ZNF546: variants seen among roughly 807,000 people sequenced by gnomAD.
ZNF546 encodes the protein zinc finger protein 546, also known as CTC-471F3.6.
A neutral mutation model predicts 76.2 loss-of-function variants in ZNF546; 60 were observed. That is an observed-to-expected ratio of 0.79 (90% CI 0.64 to 0.98). The LOEUF (loss-of-function observed/expected upper bound fraction) is 0.98. Ranked by LOEUF, ZNF546 falls within the 50% of genes least tolerant of loss-of-function variation. ZNF546 has a pLI of 0.00. For missense variants in ZNF546, 936 were observed against 1,035.6 expected (o/e 0.90, Z 1.32); for synonymous variants, 277 against 328.1 (o/e 0.84, Z 1.68).
In ZNF546 at chr19:40,013,950, G is replaced by A; in HGVS notation, c.680G>A (p.Arg227Lys). The change falls in exon 7 of 7, where the codon AGA becomes AAA. Residue 227 changes from arginine (R) to lysine (K), a missense_variant. Physicochemically the swap from Arg to Lys is conservative, Grantham distance 26 (BLOSUM62 2). Coordinates refer to ENST00000347077, the MANE Select transcript of ZNF546 (RefSeq NM_178544.5). ...TGTAAGGAATGTAGAAAGGCCTTTA[G>A]ACAACAGTCATACCTTATTCAACAT... ...YECKECRKAF[R>K]QQSYLIQHLR... 6.2e-7 allele frequency: 1 copy of A among 1,612,180 alleles called. No individual in the cohort carries two copies. Among genetic ancestry groups the A allele is most frequent in the Non-Finnish European group, 8.5e-7 (1 of 1,178,958 alleles).
intron 6 of ZNF546, among the ~76,000 whole-genome samples, chr19:40,010,463 A>G (rs2144646613): frequency 6.6e-6 from 1 of 151,724 alleles, no homozygotes; most frequent in East Asian, 1.9e-4. Context: ...GCAGAAGTTT[A>G]TGAAAATTCC....
In ZNF546 at chr19:40,020,258, A is replaced by G. The variant is rs1173705703; in HGVS notation, c.*4477A>G. On this transcript the variant is annotated 3_prime_UTR_variant, in exon 7 of 7. Transcript: ENST00000347077. ...AACCAAAATGTCTGTGATCTCATGG[A>G]TCCATTATGATTTGCAACTCCAGGT... is the stretch of plus-strand genomic sequence containing the variant. The G allele has an allele frequency of 6.6e-6, 1 of 152,170 alleles. No homozygotes were observed. The highest frequency in any genetic ancestry group is 6.5e-5 in the Admixed American group (1 of 15,278). The allele number at this position is 152,170 out of a possible 1,614,324, so 9.4% of individuals were successfully genotyped here.
In ZNF546 at chr19:40,014,031, T is replaced by C. The variant is rs775121061; in HGVS notation, c.761T>C (p.Phe254Ser). The C allele has an allele frequency of 6.2e-7, 1 of 1,611,968 alleles. No individual in the cohort carries two copies. Among genetic ancestry groups the C allele is most frequent in the Non-Finnish European group, 8.5e-7 (1 of 1,178,544 alleles). ...AAATGTATGGAATGTGGAAAGGCCTTTTGTCGAGTGGGAGACCTTAGAGTA... is the reference window on the plus strand; with the variant it reads ...AAATGTATGGAATGTGGAAAGGCCTCTTGTCGAGTGGGAGACCTTAGAGTA... ...PYKCMECGKA[F>S]CRVGDLRVHH... is the part of the protein sequence containing the mutation. The change falls in exon 7 of 7, where the codon TTT becomes TCT. Residue 254 changes from phenylalanine (F) to serine (S), a missense_variant. Transcript: ENST00000347077.
chr19:40,001,461 C>T (rs1971529091), intron 3 of ZNF546, among the ~76,000 whole-genome samples: 1 of 151,704 alleles, frequency 6.6e-6, no homozygotes, highest in South Asian at 2.1e-4. Context: ...CTCCCAGGTT[C>T]AAGTAATTCT....
rs1971783969 is a variant in ZNF546 at position 40,017,277 on chromosome 19, T to G, written c.*1496T>G. On this transcript the variant is annotated 3_prime_UTR_variant, in exon 7 of 7. Coordinates refer to ENST00000347077, the MANE Select transcript of ZNF546 (RefSeq NM_178544.5). Reference sequence around the variant, plus strand: ...GAAGACTCAGGGATAGCTGTAATGCTTTTTTCTTTTTATAACCCAAAAAGC... The same window carrying G: ...GAAGACTCAGGGATAGCTGTAATGCGTTTTTCTTTTTATAACCCAAAAAGC... 6.6e-6 allele frequency: 1 copy of G among 152,230 alleles called. No individual in the cohort carries two copies. The highest frequency in any genetic ancestry group is 2.1e-4 in the South Asian group (1 of 4,832). The allele number at this position is 152,230 out of a possible 1,614,324, so 9.4% of individuals were successfully genotyped here.
chr19:40,002,979 C>T (rs1018193731), intron 3 of ZNF546, among the ~76,000 whole-genome samples: 6 of 151,580 alleles, frequency 4.0e-5, no homozygotes, highest in African/African-American at 9.7e-5. Context: ...GGATTGCAGG[C>T]GTGAGCCGCC....
chr19:39,999,481 TTTAG>T (rs1971498451), intron 3 of ZNF546: 2 of 152,232 alleles, frequency 1.3e-5, no homozygotes, highest in African/African-American at 4.8e-5. Flanking sequence ...TTATAAATTA[TTTAG>T]TTACTCATTA....
In ZNF546 at chr19:39,998,491, A is replaced by G. The variant is rs139420793; in HGVS notation, c.84+81A>G. On this transcript the variant is annotated intron_variant, in intron 3 of 6. Transcript: ENST00000347077. ...ATGTTTAGGTAGAATCACATCATCC[A>G]TCTTCTCCAATCTTCTCCAAAGACC... is the stretch of plus-strand genomic sequence containing the variant. The G allele has an allele frequency of 3.2e-3, 3,480 of 1,090,178 alleles. 6 individuals carry two copies. Among genetic ancestry groups the G allele is most frequent in the Non-Finnish European group, 4.4e-3 (3,216 of 726,706 alleles). The allele number at this position is 1,090,178 out of a possible 1,614,324, so 67.5% of individuals were successfully genotyped here. A position where few individuals can be genotyped will look rare whatever the true frequency, so the allele number is the denominator to read the frequency against.
rs749666179 is a variant in ZNF546, at chr19:40,014,100, A to C, written c.830A>C (p.Glu277Ala). ...GGGGAGAGACCCTATGAATGTAAAG[A>C]ATGTGGGAAGGCCTTTAGACTTCAT... Reference protein sequence around the residue: ...HAGERPYECKECGKAFRLHYH... With the variant: ...HAGERPYECKACGKAFRLHYH... The change falls in exon 7 of 7, where the codon GAA becomes GCA. Residue 277 changes from glutamate to alanine, a missense_variant. Physicochemically the swap from Glu to Ala is moderately radical, Grantham distance 107. Transcript: ENST00000347077. 1 of 1,613,932 alleles carries C rather than the reference A, an allele frequency of 6.2e-7. No homozygotes were observed. Among genetic ancestry groups the C allele is most frequent in the Admixed American group, 1.7e-5 (1 of 60,022 alleles).
chr19:39,999,741 A>G (rs1172735809), intron 3 of ZNF546: 1 of 151,958 alleles, frequency 6.6e-6, no homozygotes, highest in Non-Finnish European at 1.5e-5. Context: ...ACGCCCAGCT[A>G]ATTTTTTGTA....
chr19:40,008,464 G>T lies in ZNF546; in HGVS notation c.299-6G>T. ...TAACATGTGTCATTTCTTTTCTCATGAGCAGGATATACCATTCCTAAGCCA... is the reference window on the plus strand; with the variant it reads ...TAACATGTGTCATTTCTTTTCTCATTAGCAGGATATACCATTCCTAAGCCA... On this transcript the variant is annotated splice_region_variant and splice_polypyrimidine_tract_variant and intron_variant, in intron 5 of 6. Coordinates refer to ENST00000347077, the MANE Select transcript of ZNF546 (RefSeq NM_178544.5). 1.3e-6 allele frequency: 2 copies of T among 1,577,328 alleles called. No individual in the cohort carries two copies. Among genetic ancestry groups the T allele is most frequent in the South Asian group, 2.3e-5 (2 of 86,402 alleles).
chr19:40,004,753 T>G (rs751375255), intron 3 of ZNF546, among the ~76,000 whole-genome samples: 3 of 152,166 alleles, frequency 2.0e-5, no homozygotes, highest in South Asian at 2.1e-4. Flanking sequence ...AATGTAATTA[T>G]ATTGTACATT....
At chr19:40,003,367 T>C (rs1002606542) in intron 3 of ZNF546, among the ~76,000 whole-genome samples, 1 of 152,222 alleles carries the variant, frequency 6.6e-6, no homozygotes, top group African/African-American at 2.4e-5. Context: ...CATATTTGTA[T>C]TGAACAGCAC....
In ZNF546 at chr19:39,998,351, G is replaced by C; in HGVS notation, c.25G>C (p.Gly9Arg). 4 of 1,614,074 alleles carry C rather than the reference G, an allele frequency of 2.5e-6. No individual in the cohort carries two copies. The highest frequency in any genetic ancestry group is 1.6e-4 in the Middle Eastern group (1 of 6,062). Residue 9 changes from glycine to arginine, a missense_variant, in exon 3 of 7, where the codon GGG becomes CGG. By Grantham distance (125) the Gly-to-Arg change is moderately radical. Coordinates refer to ENST00000347077, the MANE Select transcript of ZNF546 (RefSeq NM_178544.5). ...CATGCAGGTGGACCCTCCTCTTCACGGGCCTCCAAATGACTTTCTCATTTT... is the reference window on the plus strand; with the variant it reads ...CATGCAGGTGGACCCTCCTCTTCACCGGCCTCCAAATGACTTTCTCATTTT... MQVDPPLH[G>R]PPNDFLIFQI...
chr19:40,002,630 T>C (rs527426640), intron 3 of ZNF546, among the ~76,000 whole-genome samples: 32 of 152,254 alleles, frequency 2.1e-4, no homozygotes, highest in African/African-American at 5.8e-4. Flanking sequence ...TGTTTTCCAG[T>C]GTGGTAGCTG....
intron 3 of ZNF546, among the ~76,000 whole-genome samples, chr19:40,005,009 C>CTTTTTTTTT (rs752081163): frequency 1.2e-5 from 1 of 86,842 alleles, no homozygotes; most frequent in Non-Finnish European, 2.1e-5. Context: ...CTGCATGCAT[C>CTTTTTTTTT]TTTTTTTTTT....
intron 6 of ZNF546, 117 bp downstream of exon 6, chr19:40,008,682 G>A (rs1971636712): frequency 4.6e-6 from 3 of 647,788 alleles, no homozygotes; most frequent in Non-Finnish European, 7.7e-6. Flanking sequence ...TGAGGCCTGT[G>A]GAAAAAGGAC....
chr19:39,998,617 A>T (rs1170679157), intron 3 of ZNF546: 2 of 532,452 alleles, frequency 3.8e-6, no homozygotes, highest in Non-Finnish European at 6.7e-6. Context: ...TGGGAATGTG[A>T]TTGGAAGTCC....
In ZNF546 at chr19:40,015,001, T is replaced by G. The variant is rs78499152; in HGVS notation, c.1731T>G (p.Ser577Arg). ...TTTCACACCAGCGAATTCACACCAG[T>G]GAGAGCACCTACATATGTAAAGAAT... Reference protein sequence around the residue: ...QFISHQRIHTSESTYICKECG... With the variant: ...QFISHQRIHTRESTYICKECG... The change falls in exon 7 of 7, where the codon AGT (serine) becomes AGG (arginine). Residue 577 changes from serine to arginine, a missense_variant. By Grantham distance (110) the Ser-to-Arg change is moderately radical. Transcript: ENST00000347077. 16,611 of 1,614,056 alleles carry G rather than the reference T, an allele frequency of 0.01. 120 individuals are homozygous for G. Among genetic ancestry groups the G allele is most frequent in the Non-Finnish European group, 0.013 (15,361 of 1,179,976 alleles).
Sources: gnomAD v4.1 joint callset for allele counts (sites outside exome capture counted in the v4.1 genomes callset) on GRCh38, gnomAD v4.1.1 for gene constraint, MANE v1.5 for transcripts, NCBI Gene and HGNC (gene_info 2026-07-23, HGNC 2026-07-21) for gene names.